Variants in ADAMTSL1 observed in about 807,000 individuals in gnomAD.
The protein encoded by ADAMTSL1 is ADAMTS-like protein 1.
Under a neutral mutation model 201.8 loss-of-function variants are expected in ADAMTSL1, and 126 were observed. The observed-to-expected ratio is 0.62, with a 90% CI of 0.54 to 0.72. The LOEUF (loss-of-function observed/expected upper bound fraction) is 0.72. Among genes scored for constraint, ADAMTSL1 ranks in the 30% least tolerant of loss-of-function variants. ADAMTSL1 has a pLI of 0.00. For synonymous variants in ADAMTSL1, 1,121 were observed against 903.4 expected (o/e 1.24, Z -4.32); for missense variants, 2,679 against 2,277.8 (o/e 1.18, Z -3.59).
intron 28 of ADAMTSL1, chr9:18,908,122 G>A (rs1830417766): frequency 2.7e-6 from 1 of 369,668 alleles, no homozygotes; most frequent in South Asian, 2.3e-5. Context: ...CCTAGGAGAT[G>A]AGGTAATCCC....
chr9:18,629,841 A>G (rs1302597248), intron 5 of ADAMTSL1, among the ~76,000 whole-genome samples: 1 of 152,152 alleles, frequency 6.6e-6, no homozygotes, highest in Non-Finnish European at 1.5e-5. Context: ...GGCTGCTACC[A>G]TGCCCCAGTG....
rs1370871732 is a variant in ADAMTSL1, at chr9:18,179,419, C to T, written c.207+15438C>T. ...GTCTGACTGGTGTACCTGAAAGTGA[C>T]GGGGAGAATGGAACCAAGTGGGAAA... is the stretch of plus-strand genomic sequence containing the variant. On this transcript the variant is annotated intron_variant, in intron 2 of 29. Coordinates refer to the ADAMTSL1 transcript ENST00000680146. 1.3e-4 allele frequency among the ~76,000 whole-genome samples: 20 copies of T among 152,170 alleles called. No individual in the cohort carries two copies. In the South Asian group the frequency reaches 1.9e-3, roughly 14 times the overall value.
intron 2 of ADAMTSL1, among the ~76,000 whole-genome samples, chr9:18,341,844 G>A (rs910773927): frequency 3.9e-5 from 6 of 152,080 alleles, no homozygotes. Flanking sequence ...CAGGTAATGG[G>A]AGAGAACTGA....
chr9:18,237,091 G>A (rs2132432697), intron 2 of ADAMTSL1, among the ~76,000 whole-genome samples: 1 of 152,278 alleles, frequency 6.6e-6, no homozygotes. Flanking sequence ...AATAGATCCA[G>A]ACAATAAACA....
intron 2 of ADAMTSL1, among the ~76,000 whole-genome samples, chr9:18,453,185 C>G (rs973333088): frequency 6.6e-6 from 1 of 152,154 alleles, no homozygotes; most frequent in African/African-American, 2.4e-5. Context: ...ATGAGCCTCA[C>G]CTGGGCCTGC....
At chr9:18,895,296 G>A (rs1218428201) in intron 26 of ADAMTSL1, among the ~76,000 whole-genome samples, 2 of 152,154 alleles carry the variant, frequency 1.3e-5, no homozygotes, top group African/African-American at 4.8e-5. Context: ...ACTAGACACT[G>A]GCTAAACTAA....
intron 22 of ADAMTSL1, among the ~76,000 whole-genome samples, chr9:18,827,390 G>C (rs1824645400): frequency 6.6e-6 from 1 of 152,064 alleles, no homozygotes; most frequent in South Asian, 2.1e-4. Flanking sequence ...CACACCGAGA[G>C]TTGAAGATAT....
chr9:17,955,671 T>A (rs1827901280), intron 1 of ADAMTSL1, among the ~76,000 whole-genome samples: 1 of 152,244 alleles, frequency 6.6e-6, no homozygotes, highest in South Asian at 2.1e-4. Flanking sequence ...CTGTAGATGT[T>A]ATCTGCATGT....
chr9:18,630,613 G>A (rs1239581590), intron 5 of ADAMTSL1, among the ~76,000 whole-genome samples: 1 of 151,112 alleles, frequency 6.6e-6, no homozygotes, highest in African/African-American at 2.4e-5. Context: ...GTAAGCTGGG[G>A]CAATGTTGGG....
chr9:18,547,633 T>TAAA (rs56789652), intron 3 of ADAMTSL1, among the ~76,000 whole-genome samples: 109 of 85,718 alleles, frequency 1.3e-3, no homozygotes, highest in Non-Finnish European at 1.7e-3. Flanking sequence ...TATATATATA[T>TAAA]AAAAAAAAAA....
At chr9:18,268,505 A>T (rs557563376) in intron 2 of ADAMTSL1, among the ~76,000 whole-genome samples, 1 of 152,314 alleles carries the variant, frequency 6.6e-6, no homozygotes, top group East Asian at 1.9e-4. Flanking sequence ...AGCAGGGGAC[A>T]TTGAAAACTA....
chr9:18,853,963 G>A (rs995481800), intron 23 of ADAMTSL1, among the ~76,000 whole-genome samples: 4 of 148,246 alleles, frequency 2.7e-5, no homozygotes, highest in East Asian at 4.2e-4. Flanking sequence ...CAAAATACAC[G>A]CAGGATTTGT....
intron 2 of ADAMTSL1, among the ~76,000 whole-genome samples, chr9:18,528,674 G>A (rs1052764873): frequency 1.3e-5 from 2 of 152,064 alleles, no homozygotes; most frequent in African/African-American, 4.8e-5. Context: ...ACATACCTGT[G>A]CATATTACAT....
At chr9:18,414,222 G>A (rs79886398) in intron 2 of ADAMTSL1, among the ~76,000 whole-genome samples, 16,809 of 152,186 alleles carry the variant, frequency 0.11, 978 homozygotes, top group Middle Eastern at 0.15. Context: ...AGCTAAATCT[G>A]AGATGTCACA....
chr9:18,332,629 C>G (rs1432623564), intron 2 of ADAMTSL1, among the ~76,000 whole-genome samples: 1 of 152,016 alleles, frequency 6.6e-6, no homozygotes. Context: ...TTAATTTTTC[C>G]TTTTTTCAAA....
chr9:18,812,977 T>TC (rs1412639010), intron 20 of ADAMTSL1, among the ~76,000 whole-genome samples: 1 of 150,366 alleles, frequency 6.7e-6, no homozygotes, highest in East Asian at 1.9e-4. Context: ...CTTTTTTTTT[T>TC]TTTTTTTTTG....
chr9:18,873,877 G>A (rs571598199), intron 23 of ADAMTSL1, among the ~76,000 whole-genome samples: 1 of 152,048 alleles, frequency 6.6e-6, no homozygotes, highest in East Asian at 1.9e-4. Context: ...GTTTTTAGAT[G>A]ACTTTTGGCA....
chr9:18,370,392 C>A (rs933514047), intron 2 of ADAMTSL1, among the ~76,000 whole-genome samples: 11 of 152,054 alleles, frequency 7.2e-5, no homozygotes, highest in African/African-American at 2.7e-4. Flanking sequence ...TTACTAGAAG[C>A]CCAAACCTCA....
chr9:18,722,028 A>C (rs960114728), intron 15 of ADAMTSL1, among the ~76,000 whole-genome samples: 1 of 152,162 alleles, frequency 6.6e-6, no homozygotes, highest in African/African-American at 2.4e-5. Flanking sequence ...ATAGTAATGA[A>C]CTGGTCTGTG....
Sources: gnomAD v4.1 joint callset for allele counts (sites outside exome capture counted in the v4.1 genomes callset) on GRCh38, gnomAD v4.1.1 for gene constraint, MANE v1.5 for transcripts, NCBI Gene and HGNC (gene_info 2026-07-23, HGNC 2026-07-21) for gene names.